The following RELL1 variants were observed in gnomAD, a reference collection of about 807,000 sequenced individuals.
RELL1 encodes the protein RELT-like protein 1.
A neutral mutation model predicts 23.0 loss-of-function variants in RELL1; 10 were observed. The observed-to-expected ratio is 0.43, with a 90% CI of 0.27 to 0.74. The LOEUF (loss-of-function observed/expected upper bound fraction) is 0.74, where lower values mean the gene tolerates loss of function less well. Ranked by LOEUF, RELL1 falls within the 30% of genes least tolerant of loss-of-function variation. RELL1 has a pLI of 0.19. For missense variants in RELL1, 315 were observed against 364.4 expected, an observed-to-expected ratio of 0.86 and a Z score of 1.10; for synonymous variants, 146 against 146.8, an observed-to-expected ratio of 0.99 and a Z score of 0.04.
At chr4:37,617,996 G>T (rs945563314) in intron 6 of RELL1, among the ~76,000 whole-genome samples, 1 of 152,132 alleles carries the variant, frequency 6.6e-6, no homozygotes, top group African/African-American at 2.4e-5. Flanking sequence ...TCTCAGCAAA[G>T]GATGAGAAGA....
At chr4:37,658,890 T>C (rs1001933519) in intron 1 of RELL1, among the ~76,000 whole-genome samples, 5 of 152,166 alleles carry the variant, frequency 3.3e-5, no homozygotes, top group African/African-American at 9.7e-5. Context: ...TTGAAAATGT[T>C]CCCACCAGAC....
chr4:37,614,759 C>G (rs1273797712), intron 6 of RELL1, among the ~76,000 whole-genome samples: 1 of 151,854 alleles, frequency 6.6e-6, no homozygotes, highest in Non-Finnish European at 1.5e-5. Flanking sequence ...GTATGGTATT[C>G]CACTGTTTTT....
At chr4:37,640,186 C>A (rs1168336030) in intron 3 of RELL1, among the ~76,000 whole-genome samples, 3 of 152,136 alleles carry the variant, frequency 2.0e-5, no homozygotes, top group African/African-American at 7.2e-5. Flanking sequence ...TAATACAACA[C>A]TTAATCTTTT....
chr4:37,661,170 T>C (rs1392792024), intron 1 of RELL1, among the ~76,000 whole-genome samples: 1 of 152,206 alleles, frequency 6.6e-6, no homozygotes, highest in Non-Finnish European at 1.5e-5. Context: ...GTCCACCTAG[T>C]AGCCTCTCAG....
At chr4:37,658,999 T>G (rs1033462775) in intron 1 of RELL1, among the ~76,000 whole-genome samples, 7 of 152,220 alleles carry the variant, frequency 4.6e-5, no homozygotes, top group Non-Finnish European at 1.0e-4. Flanking sequence ...GCTCGCCTTA[T>G]GCAGGTCATA....
downstream of RELL1, chr4:37,590,032 G>A: frequency 1.6e-6 from 2 of 1,280,472 alleles, no homozygotes; most frequent in Non-Finnish European, 2.2e-6. Context: ...AGGGCCTGTG[G>A]TAAAAAGCAT....
chr4:37,617,269 A>G (rs1560330571), intron 6 of RELL1, among the ~76,000 whole-genome samples: 1 of 152,216 alleles, frequency 6.6e-6, no homozygotes, highest in Non-Finnish European at 1.5e-5. Context: ...AAGGTGCTTC[A>G]TTGATTCTAA....
intron 6 of RELL1, among the ~76,000 whole-genome samples, chr4:37,596,319 G>C (rs938363862): frequency 2.0e-5 from 3 of 152,132 alleles, no homozygotes; most frequent in Non-Finnish European, 2.9e-5. Flanking sequence ...TTAAAAGGCA[G>C]ATTTCTGGAC....
At position 37,612,256 on chromosome 4, in the gene RELL1, G is replaced by A. The variant is rs1462022720; in HGVS notation, c.*1090C>T. 6.8e-6 allele frequency among the ~76,000 whole-genome samples: 1 copy of A among 147,976 alleles called. No individual in the cohort carries two copies. The highest frequency in any genetic ancestry group is 1.5e-5 in the Non-Finnish European group (1 of 67,234). On this transcript the variant is annotated 3_prime_UTR_variant, in exon 7 of 7. Transcript: ENST00000454158. ...TTGGGTTGTCCAAACAAATTTGTGTGTGTGTGACTTTCAACCATTTTCTCC... is the reference window on the plus strand; with the variant it reads ...TTGGGTTGTCCAAACAAATTTGTGTATGTGTGACTTTCAACCATTTTCTCC...
downstream of RELL1, chr4:37,588,746 C>A: frequency 1.2e-6 from 1 of 839,796 alleles, no homozygotes; most frequent in East Asian, 2.5e-5. Context: ...GTGTGACTCT[C>A]TTAATACATT....
intron 1 of RELL1, among the ~76,000 whole-genome samples, chr4:37,653,386 GAAACCTC>G (rs1173156481): frequency 2.4e-4 from 36 of 148,104 alleles, no homozygotes; most frequent in African/African-American, 9.0e-4. Flanking sequence ...TACAAGTATT[GAAACCTC>G]AATATTCAAT....
chr4:37,644,955 T>C (rs1296081355), intron 3 of RELL1, among the ~76,000 whole-genome samples: 2 of 152,130 alleles, frequency 1.3e-5, no homozygotes, highest in Admixed American at 6.5e-5. Flanking sequence ...TCCGCCACTT[T>C]CCAGCGGTGC....
intron 6 of RELL1, among the ~76,000 whole-genome samples, chr4:37,605,246 GGTGT>G (rs1276965861): frequency 6.6e-6 from 1 of 152,066 alleles, no homozygotes; most frequent in Non-Finnish European, 1.5e-5. Context: ...CGCATGGGTT[GGTGT>G]GTGTGTATGT....
chr4:37,596,714 A>C (rs1442797901), intron 6 of RELL1, among the ~76,000 whole-genome samples: 9 of 11,084 alleles, frequency 8.1e-4, no homozygotes, highest in Non-Finnish European at 1.9e-3. Context: ...CTGGGCATAT[A>C]TATATATATA....
In RELL1 at chr4:37,638,539, AGAAT is replaced by A. The variant is rs773538604; in HGVS notation, c.386-39_386-36del. 2.9e-5 allele frequency: 43 copies of A among 1,458,680 alleles called. No homozygotes were observed. In the African/African-American group the frequency reaches 5.4e-4, roughly 18 times the overall value. The allele number at this position is 1,458,680 out of a possible 1,614,324, so 90.4% of individuals were successfully genotyped here. ...AAAAATAAAATTAAAGAATTAAAATAGAATGAATAAGATGAGTAATCACATCAGA... is the reference window on the plus strand; with the variant it reads ...AAAAATAAAATTAAAGAATTAAAATAGAATAAGATGAGTAATCACATCAGA... On this transcript the variant is annotated intron_variant, in intron 3 of 6. Coordinates refer to ENST00000454158, the MANE Select transcript of RELL1 (RefSeq NM_001085400.2).
chr4:37,655,208 A>T (rs1387547587), intron 1 of RELL1, among the ~76,000 whole-genome samples: 6 of 151,848 alleles, frequency 4.0e-5, no homozygotes, highest in South Asian at 2.1e-4. Context: ...CTTGAGCAAC[A>T]TAGTGGACAT....
chr4:37,652,710 A>T (rs1419658099), intron 1 of RELL1, among the ~76,000 whole-genome samples: 1 of 152,236 alleles, frequency 6.6e-6, no homozygotes, highest in African/African-American at 2.4e-5. Flanking sequence ...CGTGAATTTG[A>T]CATGTGGCAA....
At chr4:37,593,562 A>C (rs1055040190) in intron 6 of RELL1, among the ~76,000 whole-genome samples, 19 of 152,058 alleles carry the variant, frequency 1.2e-4, no homozygotes, top group Admixed American at 6.6e-5. Context: ...CTTCCACATT[A>C]CTCTCTTTGG....
intron 1 of RELL1, among the ~76,000 whole-genome samples, chr4:37,683,497 C>T (rs960026919): frequency 2.0e-5 from 3 of 152,174 alleles, no homozygotes; most frequent in Non-Finnish European, 2.9e-5. Context: ...TGGCTCACAC[C>T]TGTAATCCCT....
Sources: allele counts gnomAD v4.1 joint callset (sites outside exome capture counted in the v4.1 genomes callset), GRCh38; gene constraint gnomAD v4.1.1; transcripts MANE v1.5; gene names NCBI Gene and HGNC (gene_info 2026-07-23, HGNC 2026-07-21).